ABHD3: variants seen among roughly 807,000 people sequenced by gnomAD.
ABHD3 encodes the protein abhydrolase domain containing 3, phospholipase.
Under a neutral mutation model 48.8 loss-of-function variants are expected in ABHD3, and 46 were observed. The observed-to-expected ratio is 0.94, with a 90% CI of 0.74 to 1.20. The LOEUF is 1.20. Ranked by LOEUF, ABHD3 falls within the 50% of genes most tolerant of loss-of-function variation. The probability of loss-of-function intolerance (pLI) is 0.00; values close to 1 mark genes in which losing one functional copy is unlikely to be tolerated. For missense variants in ABHD3, 490 were observed against 497.8 expected (o/e 0.98, Z 0.15); for synonymous variants, 192 against 183.7 (o/e 1.04, Z -0.36).
intron 3 of ABHD3, among the ~76,000 whole-genome samples, chr18:21,686,600 T>G (rs2040133675): frequency 6.6e-6 from 1 of 152,224 alleles, no homozygotes; most frequent in African/African-American, 2.4e-5. Context: ...CTGGTAGCTC[T>G]TGCTAGAGGA....
intron 1 of ABHD3, 99 bp downstream of exon 1, chr18:21,704,405 C>T: frequency 1.7e-6 from 2 of 1,185,808 alleles, no homozygotes; most frequent in Non-Finnish European, 2.1e-6. Context: ...CGCCTATCCC[C>T]GGGGCTGCCG....
At chr18:21,656,025 G>A (rs1046499490) in intron 8 of ABHD3, among the ~76,000 whole-genome samples, 2 of 151,754 alleles carry the variant, frequency 1.3e-5, no homozygotes, top group East Asian at 2.0e-4. Context: ...GCATGATGGC[G>A]GGTGCCTGTA....
Position 21,703,674 on chromosome 18 carries a change from G to C in ABHD3, c.236C>G (p.Thr79Arg), listed in dbSNP as rs1598571809. 3 of 1,614,078 alleles carry C rather than the reference G, an allele frequency of 1.9e-6. No individual in the cohort carries two copies. In the East Asian group the frequency reaches 6.7e-5, roughly 36 times the overall value. The stretch of plus-strand genomic sequence containing the variant: ...CCAGCACCAGACCGTCGGGTAGTAC[G>C]TTTCTGTAACCACGGGACAGTGGTC... Reference protein sequence around the residue: ...LQDHCPVVTETYYPTVWCWEG... With the variant: ...LQDHCPVVTERYYPTVWCWEG... Residue 79 changes from threonine (T) to arginine (R), a missense_variant, in exon 2 of 9, where the codon ACG becomes AGG. Thr to Arg is a moderately conservative substitution (Grantham distance 71, BLOSUM62 -1). Coordinates refer to ENST00000289119, the MANE Select transcript of ABHD3 (RefSeq NM_138340.5).
intron 4 of ABHD3, among the ~76,000 whole-genome samples, chr18:21,676,606 GT>G (rs1483930437): frequency 2.0e-5 from 3 of 152,308 alleles, no homozygotes; most frequent in Admixed American, 1.3e-4. Flanking sequence ...GGCCAGGCTG[GT>G]CTCGAACTCC....
intron 5 of ABHD3, among the ~76,000 whole-genome samples, chr18:21,661,072 T>G (rs2039480723): frequency 6.9e-6 from 1 of 145,290 alleles, no homozygotes; most frequent in Admixed American, 7.0e-5. Flanking sequence ...AAGGACCCTA[T>G]TTTCTCACCA....
At chr18:21,675,393 C>A (rs139103731) in intron 4 of ABHD3, among the ~76,000 whole-genome samples, 5 of 151,744 alleles carry the variant, frequency 3.3e-5, no homozygotes, top group Admixed American at 6.6e-5. Context: ...CTCAGCCCCC[C>A]GAGCAGCTGG....
chr18:21,688,357 T>A (rs1238947300), intron 3 of ABHD3, among the ~76,000 whole-genome samples: 1 of 151,690 alleles, frequency 6.6e-6, no homozygotes, highest in African/African-American at 2.4e-5. Context: ...CATTCAGAGA[T>A]CAGCTAGTCA....
At position 21,651,581 on chromosome 18, in the gene ABHD3, G is replaced by T. The variant is rs747171642; in HGVS notation, c.*10C>A. The T allele has an allele frequency of 5.6e-6, 9 of 1,613,308 alleles. No individual in the cohort carries two copies. The highest frequency in any genetic ancestry group is 1.7e-5 in the Admixed American group (1 of 59,842). ...GTGGTTCAGACAAAATGCACCCAAAGAACTACATGTTAAGAGAGTTCATGT... is the reference window on the plus strand; with the variant it reads ...GTGGTTCAGACAAAATGCACCCAAATAACTACATGTTAAGAGAGTTCATGT... On this transcript the variant is annotated 3_prime_UTR_variant, in exon 9 of 9. Transcript: ENST00000289119.
intron 3 of ABHD3, among the ~76,000 whole-genome samples, chr18:21,687,903 C>T (rs1312937554): frequency 6.6e-6 from 1 of 152,216 alleles, no homozygotes; most frequent in Non-Finnish European, 1.5e-5. Flanking sequence ...GCATCTCTGG[C>T]CTCTACCAAC....
intron 3 of ABHD3, among the ~76,000 whole-genome samples, chr18:21,687,582 G>A (rs563569406): frequency 5.3e-5 from 8 of 152,214 alleles, no homozygotes; most frequent in South Asian, 2.1e-4. Flanking sequence ...TCTAAAGGGC[G>A]TGTATATGAG....
At chr18:21,684,459 C>T (rs2040084213) in intron 3 of ABHD3, among the ~76,000 whole-genome samples, 3 of 151,476 alleles carry the variant, frequency 2.0e-5, no homozygotes, top group Admixed American at 2.0e-4. Flanking sequence ...GCTGGGATTA[C>T]AAGCACCCAC....
At chr18:21,680,457 G>A (rs972048575) in intron 4 of ABHD3, among the ~76,000 whole-genome samples, 4 of 152,172 alleles carry the variant, frequency 2.6e-5, no homozygotes, top group African/African-American at 9.7e-5. Context: ...GGTGACAACC[G>A]AACTTGAACT....
intron 4 of ABHD3, among the ~76,000 whole-genome samples, chr18:21,671,916 C>T (rs1021792638): frequency 1.3e-5 from 2 of 152,078 alleles, no homozygotes; most frequent in African/African-American, 4.8e-5. Context: ...GGATTACAGG[C>T]GTGAGCCACC....
At chr18:21,675,308 GC>G (rs1464185884) in intron 4 of ABHD3, among the ~76,000 whole-genome samples, 4 of 125,336 alleles carry the variant, frequency 3.2e-5, no homozygotes, top group African/African-American at 1.2e-4. Context: ...TCGCTCTGTT[GC>G]CCAGGCTGGA....
intron 1 of ABHD3, among the ~76,000 whole-genome samples, chr18:21,704,064 T>C (rs2040579123): frequency 6.6e-6 from 1 of 152,176 alleles, no homozygotes. Flanking sequence ...GCTAATTTTT[T>C]GTAATTGTAA....
intron 4 of ABHD3, among the ~76,000 whole-genome samples, chr18:21,670,730 G>A (rs1304510912): frequency 6.6e-6 from 1 of 152,142 alleles, no homozygotes; most frequent in Non-Finnish European, 1.5e-5. Flanking sequence ...AATGTCACAA[G>A]AAGGCTGGGC....
At chr18:21,658,232 GA>G (rs1246477655) in intron 6 of ABHD3, among the ~76,000 whole-genome samples, 1 of 151,900 alleles carries the variant, frequency 6.6e-6, no homozygotes, top group Non-Finnish European at 1.5e-5. Flanking sequence ...AAGAAAAAAA[GA>G]AAATACACAA....
intron 4 of ABHD3, among the ~76,000 whole-genome samples, chr18:21,674,949 G>A (rs541931441): frequency 6.6e-6 from 1 of 152,014 alleles, no homozygotes; most frequent in Non-Finnish European, 1.5e-5. Context: ...GGGATGGGGT[G>A]GGGGAAGAAC....
chr18:21,683,505 T>C (rs756996343), intron 4 of ABHD3: 7 of 512,692 alleles, frequency 1.4e-5, no homozygotes, highest in Admixed American at 2.1e-5. Context: ...TTAAGGAAAA[T>C]GTGTTTTGCA....
Sources: gnomAD v4.1 joint callset for allele counts (sites outside exome capture counted in the v4.1 genomes callset) on GRCh38, gnomAD v4.1.1 for gene constraint, MANE v1.5 for transcripts, NCBI Gene and HGNC (gene_info 2026-07-23, HGNC 2026-07-21) for gene names.